Variants in CCDC116 observed in about 807,000 individuals in gnomAD.
CCDC116 encodes coiled-coil domain containing 116.
In CCDC116, 24 loss-of-function variants were observed where a neutral mutation model predicts 29.4. The observed-to-expected ratio is 0.82, with a 90% confidence interval of 0.59 to 1.15. The LOEUF is 1.15. CCDC116 is among the 50% of genes most tolerant of loss of function. The probability of loss-of-function intolerance (pLI) is 0.00; values close to 1 mark genes in which losing one functional copy is unlikely to be tolerated. For synonymous variants in CCDC116, 298 were observed against 331.4 expected (o/e 0.90, Z 1.10); for missense variants, 791 against 804.0 (o/e 0.98, Z 0.20).
At chr22:21,635,662 A>C in intron 4 of CCDC116, 2 of 690,044 alleles carry the variant, frequency 2.9e-6, no homozygotes, top group Non-Finnish European at 5.3e-6. Flanking sequence ...TGTCACTAAC[A>C]GGTGCTCAAG....
Position 21,636,496 on chromosome 22 carries a change from G to C in CCDC116, c.1268G>C (p.Ser423Thr). 1.2e-6 allele frequency: 2 copies of C among 1,613,978 alleles called. No individual in the cohort carries two copies. The change falls in exon 5 of 5, where the codon AGC (serine) becomes ACC (threonine). Residue 423 changes from serine (S) to threonine (T), a missense_variant. By Grantham distance (58) the Ser-to-Thr change is moderately conservative (BLOSUM62 1). Coordinates refer to ENST00000292779, the MANE Select transcript of CCDC116 (RefSeq NM_152612.3). The stretch of plus-strand genomic sequence containing the variant: ...CTGCCCTCCATCTCGTCGAAGTCCA[G>C]CATGTCTCACTTCTCCAACCGCCTT... ...KPLPSISSKSSMSHFSNRLYE... is the reference protein window; with the variant it reads ...KPLPSISSKSTMSHFSNRLYE...
intron 4 of CCDC116, among the ~76,000 whole-genome samples, chr22:21,636,214 T>G (rs775262663): frequency 6.6e-6 from 1 of 152,144 alleles, no homozygotes; most frequent in Non-Finnish European, 1.5e-5. Context: ...GAGGTGAGCA[T>G]GAGAGTGGGC....
At chr22:21,636,344 G>A in intron 4 of CCDC116, 88 bp from the exon 5 acceptor site, 5 of 1,256,552 alleles carry the variant, frequency 4.0e-6, no homozygotes, top group Non-Finnish European at 5.6e-6. Context: ...GGGCTCTGAG[G>A]AGGGCACAGT....
chr22:21,633,110 C>T lies in CCDC116; in HGVS notation c.-62-10C>T. On this transcript the variant is annotated splice_polypyrimidine_tract_variant and intron_variant, in intron 1 of 4. Transcript: ENST00000292779. ...TGGAGACCCTCAGGTTGTCTCCCCA[C>T]CCCACGCAGAGAGGAATGCGCAGCT... The T allele has an allele frequency of 7.8e-7, 1 of 1,287,238 alleles. No homozygotes were observed. Among genetic ancestry groups the T allele is most frequent in the Non-Finnish European group, 1.1e-6 (1 of 906,638 alleles). 79.7% of individuals were successfully genotyped at this position (1,287,238 alleles called of 1,614,324 possible).
Position 21,637,014 on chromosome 22 carries a change from G to A in CCDC116, c.1786G>A (p.Glu596Lys). Residue 596 changes from glutamate (E) to lysine (K), a missense_variant, in exon 5 of 5, where the codon GAG becomes AAG. Glu to Lys is a moderately conservative substitution (Grantham distance 56). Coordinates refer to ENST00000292779, the MANE Select transcript of CCDC116 (RefSeq NM_152612.3). ...RDKAEIEDEDEDEFKDEDQDE... is the reference protein window; with the variant it reads ...RDKAEIEDEDKDEFKDEDQDE... Reference sequence around the variant, plus strand: ...TAAAGCCGAGATTGAAGATGAAGATGAGGATGAGTTCAAGGATGAAGACCA... The same window carrying A: ...TAAAGCCGAGATTGAAGATGAAGATAAGGATGAGTTCAAGGATGAAGACCA... The A allele has an allele frequency of 6.2e-7, 1 of 1,613,476 alleles. No homozygotes were observed. Among genetic ancestry groups the A allele is most frequent in the East Asian group, 2.2e-5 (1 of 44,880 alleles).
At position 21,635,016 on chromosome 22, in the gene CCDC116, G is replaced by A. The variant is rs780501312; in HGVS notation, c.953G>A (p.Ser318Asn). Residue 318 changes from serine to asparagine, a missense_variant, in exon 4 of 5, where the codon AGC becomes AAC. Ser to Asn is a conservative substitution (Grantham distance 46, BLOSUM62 1). Transcript: ENST00000292779. ...TTCCCTGCCCTGCAAAGCGTGGTCA[G>A]CCAGGCTGTGGATAAGCTCCGTGGC... ...RLFPALQSVV[S>N]QAVDKLRGAH... 5 of 1,610,840 alleles carry A rather than the reference G, an allele frequency of 3.1e-6. No individual in the cohort carries two copies. Among genetic ancestry groups the A allele is most frequent in the Admixed American group, 1.7e-5 (1 of 60,016 alleles).
Position 21,633,252 on chromosome 22 carries a change from G to A in CCDC116, c.71G>A (p.Arg24Gln), listed in dbSNP as rs1187741171. 5.2e-6 allele frequency: 8 copies of A among 1,544,800 alleles called. No homozygotes were observed. Among genetic ancestry groups the A allele is most frequent in the East Asian group, 2.4e-5 (1 of 40,840 alleles). The change falls in exon 2 of 5, where the codon CGG (arginine) becomes CAG (glutamine). Residue 24 changes from arginine to glutamine, a missense_variant and splice_region_variant. Arg to Gln is a conservative substitution (Grantham distance 43). Transcript: ENST00000292779. ...GCCAGCCACTCCATGTGCAGTGCAC[G>A]GGTAAGTGTGCCCAGCAGGGCGCCG... ...DEASHSMCSA[R>Q]VQLPKKPLVP...
intron 4 of CCDC116, among the ~76,000 whole-genome samples, chr22:21,635,968 C>T (rs970366031): frequency 5.9e-5 from 9 of 152,230 alleles, no homozygotes; most frequent in African/African-American, 2.2e-4. Flanking sequence ...CTGGACTTTG[C>T]TGAGGGGAAG....
intron 4 of CCDC116, 52 bp downstream of exon 4, chr22:21,635,318 G>A (rs774886268): frequency 4.8e-6 from 7 of 1,455,048 alleles, no homozygotes; most frequent in Middle Eastern, 1.7e-4. Context: ...CCACTCCAGG[G>A]AGGAGGCACC....
At position 21,633,112 on chromosome 22, in the gene CCDC116, C is replaced by T. The variant is rs1039368465; in HGVS notation, c.-62-8C>T. On this transcript the variant is annotated splice_polypyrimidine_tract_variant and splice_region_variant and intron_variant, in intron 1 of 4. Coordinates refer to ENST00000292779, the MANE Select transcript of CCDC116 (RefSeq NM_152612.3). ...GAGACCCTCAGGTTGTCTCCCCACC[C>T]CACGCAGAGAGGAATGCGCAGCTGA... The T allele has an allele frequency of 7.7e-7, 1 of 1,304,948 alleles. No homozygotes were observed. The highest frequency in any genetic ancestry group is 1.3e-5 in the South Asian group (1 of 79,080). 80.8% of individuals were successfully genotyped at this position (1,304,948 alleles called of 1,614,324 possible). A position where few individuals can be genotyped will look rare whatever the true frequency, so the allele number is the denominator to read the frequency against.
chr22:21,634,596 G>A, intron 3 of CCDC116, 26 bp downstream of exon 3: 6 of 1,577,036 alleles, frequency 3.8e-6, no homozygotes, highest in Admixed American at 1.7e-5. Flanking sequence ...ATGGCTGGGT[G>A]GGGTGGACTC....
At chr22:21,633,954 A>T in intron 2 of CCDC116, 68 bp from the exon 3 acceptor site, 1 of 1,454,246 alleles carries the variant, frequency 6.9e-7, no homozygotes, top group Non-Finnish European at 9.3e-7. Flanking sequence ...CCCAGGTCCT[A>T]GTGTTACCCC....
In CCDC116 at chr22:21,635,715, G is replaced by A. The variant is rs1201930259; in HGVS notation, c.1203+449G>A. 5 of 619,476 alleles carry A rather than the reference G, an allele frequency of 8.1e-6. No individual in the cohort carries two copies. The East Asian group carries it at 1.1e-4, about 14-fold the overall frequency. The allele number at this position is 619,476 out of a possible 1,614,324, so 38.4% of individuals were successfully genotyped here. ...TGCACTGTGGAAACCTCCTGGGCAG[G>A]GGTCAAGCTGATGGGGGCCCATGAA... On this transcript the variant is annotated intron_variant, in intron 4 of 4. Coordinates refer to ENST00000292779, the MANE Select transcript of CCDC116 (RefSeq NM_152612.3).
intron 4 of CCDC116, chr22:21,635,827 A>C (rs539256676): frequency 7.0e-6 from 4 of 569,474 alleles, no homozygotes; most frequent in East Asian, 5.9e-5. Flanking sequence ...TTGTATGTGA[A>C]TCTAGAGACG....
At position 21,632,994 on chromosome 22, in the gene CCDC116, T is replaced by C. The variant is rs1382486896; in HGVS notation, c.-62-126T>C. ...CCTGCCTGCAGACGCATGGGGGCCA[T>C]GGAGCAGAGGAAGGGCTGGATGCAT... On this transcript the variant is annotated intron_variant, in intron 1 of 4. Transcript: ENST00000292779. The C allele has an allele frequency of 4.2e-6, 3 of 710,898 alleles. No homozygotes were observed. The Admixed American group carries it at 6.0e-5, about 14-fold the overall frequency. The allele number at this position is 710,898 out of a possible 1,614,324, so 44.0% of individuals were successfully genotyped here. A position where few individuals can be genotyped will look rare whatever the true frequency, so the allele number is the denominator to read the frequency against.
chr22:21,636,588 G>A lies in CCDC116; in HGVS notation c.1360G>A (p.Glu454Lys), dbSNP rs141137219. ...ASLVIRKYEFEKDLSKQLGFF... is the reference protein window; with the variant it reads ...ASLVIRKYEFKKDLSKQLGFF... ...CTTGGTCATCCGCAAGTACGAGTTC[G>A]AAAAGGACCTCAGTAAGCAGCTGGG... is the stretch of plus-strand genomic sequence containing the variant. Residue 454 changes from glutamate (E) to lysine (K), a missense_variant, in exon 5 of 5, where the codon GAA (glutamate) becomes AAA (lysine). Coordinates refer to ENST00000292779, the MANE Select transcript of CCDC116 (RefSeq NM_152612.3). 16 of 1,613,998 alleles carry A rather than the reference G, an allele frequency of 9.9e-6. No homozygotes were observed. The Middle Eastern group carries it at 6.6e-4, about 66-fold the overall frequency.
At chr22:21,635,582 T>G (rs907901786) in intron 4 of CCDC116, 3 of 703,018 alleles carry the variant, frequency 4.3e-6, no homozygotes, top group African/African-American at 3.5e-5. Context: ...AGAGGTGACC[T>G]CCTCAAAAGT....
chr22:21,636,499 T>C lies in CCDC116; in HGVS notation c.1271T>C (p.Met424Thr), dbSNP rs898001554. Residue 424 changes from methionine (M) to threonine (T), a missense_variant, in exon 5 of 5, where the codon ATG becomes ACG. By Grantham distance (81) the Met-to-Thr change is moderately conservative. Coordinates refer to ENST00000292779, the MANE Select transcript of CCDC116 (RefSeq NM_152612.3). ...PLPSISSKSSMSHFSNRLYEE... is the reference protein window; with the variant it reads ...PLPSISSKSSTSHFSNRLYEE... ...CCCTCCATCTCGTCGAAGTCCAGCATGTCTCACTTCTCCAACCGCCTTTAT... is the reference window on the plus strand; with the variant it reads ...CCCTCCATCTCGTCGAAGTCCAGCACGTCTCACTTCTCCAACCGCCTTTAT... 9 of 1,613,904 alleles carry C rather than the reference T, an allele frequency of 5.6e-6. No individual in the cohort carries two copies. The highest frequency in any genetic ancestry group is 7.6e-6 in the Non-Finnish European group (9 of 1,180,024).
chr22:21,634,116 C>T lies in CCDC116; in HGVS notation c.167C>T (p.Ala56Val), dbSNP rs1384841657. ...PHPPSTCGSS[A>V]LQGQRRNKRH... ...CCACCATCCACATGTGGCAGCTCAG[C>T]ACTCCAGGGCCAACGCCGAAACAAG... The change falls in exon 3 of 5, where the codon GCA becomes GTA. Residue 56 changes from alanine (A) to valine (V), a missense_variant. Ala to Val is a moderately conservative substitution (Grantham distance 64). Coordinates refer to ENST00000292779, the MANE Select transcript of CCDC116 (RefSeq NM_152612.3). The T allele has an allele frequency of 1.2e-6, 2 of 1,614,276 alleles. No homozygotes were observed. Among genetic ancestry groups the T allele is most frequent in the South Asian group, 1.1e-5 (1 of 91,088 alleles).
Sources: gnomAD v4.1 joint callset for allele counts (sites outside exome capture counted in the v4.1 genomes callset) on GRCh38, gnomAD v4.1.1 for gene constraint, MANE v1.5 for transcripts, NCBI Gene and HGNC (gene_info 2026-07-23, HGNC 2026-07-21) for gene names.